The following ACTR3C variants were observed in gnomAD, a reference collection of about 807,000 sequenced individuals.
ACTR3C encodes the protein actin related protein 3C.
A neutral mutation model predicts 26.3 loss-of-function variants in ACTR3C; 18 were observed. The ratio of observed to expected loss-of-function variants is 0.68; its 90% CI spans 0.47 to 1.01. ACTR3C has a LOEUF of 1.01. Ranked by LOEUF, ACTR3C falls within the 50% of genes least tolerant of loss-of-function variation. The pLI is 0.00. For missense variants in ACTR3C, 184 were observed against 250.7 expected (o/e 0.73, Z 1.80); for synonymous variants, 55 against 94.5 (o/e 0.58, Z 2.42).
intron 6 of ACTR3C, among the ~76,000 whole-genome samples, chr7:150,262,776 A>G (rs1478703260): frequency 6.6e-6 from 1 of 152,262 alleles, no homozygotes. Flanking sequence ...GAGAGCAATG[A>G]TTATTTGATT....
the ACTR3C span, among the ~76,000 whole-genome samples, chr7:150,037,750 C>CT: frequency 2.2e-5 from 1 of 45,978 alleles, no homozygotes; most frequent in East Asian, 1.4e-3. Flanking sequence ...CTCTCAGTCC[C>CT]CACCCTCGCG....
At chr7:149,948,494 G>T in the ACTR3C span, among the ~76,000 whole-genome samples, 2 of 150,634 alleles carry the variant, frequency 1.3e-5, no homozygotes, top group South Asian at 4.2e-4. Context: ...ACACCTCCCG[G>T]TTCCCTCAGG....
the ACTR3C span, among the ~76,000 whole-genome samples, chr7:150,157,932 T>A: frequency 6.6e-6 from 1 of 152,120 alleles, no homozygotes; most frequent in Admixed American, 6.5e-5. Context: ...ACAGAAACTT[T>A]AAGGCACTAG....
chr7:150,197,266 C>T, the ACTR3C span, among the ~76,000 whole-genome samples: 6,822 of 152,234 alleles, frequency 0.045, 356 homozygotes, highest in East Asian at 0.16. Flanking sequence ...CTGCCTTCTC[C>T]GCATAGAAGC....
chr7:150,108,295 C>T, the ACTR3C span, among the ~76,000 whole-genome samples: 1 of 149,312 alleles, frequency 6.7e-6, no homozygotes, highest in Non-Finnish European at 1.5e-5. Flanking sequence ...TTATAAGTGT[C>T]AAAGATGGAT....
chr7:150,034,166 G>C, the ACTR3C span, among the ~76,000 whole-genome samples: 1 of 152,108 alleles, frequency 6.6e-6, no homozygotes, highest in African/African-American at 2.4e-5. Flanking sequence ...TTTATGTTCA[G>C]GTTTTGCCCA....
At chr7:149,907,928 C>T in the ACTR3C span, among the ~76,000 whole-genome samples, 1 of 152,050 alleles carries the variant, frequency 6.6e-6, no homozygotes, top group Admixed American at 6.6e-5. Flanking sequence ...TCCTACAGAA[C>T]ACCAATTGTC....
At chr7:150,204,291 G>C in the ACTR3C span, among the ~76,000 whole-genome samples, 38 of 144,438 alleles carry the variant, frequency 2.6e-4, no homozygotes, top group Non-Finnish European at 3.4e-4. Flanking sequence ...GAAGCAAGCT[G>C]TGTCGGTTCT....
the ACTR3C span, among the ~76,000 whole-genome samples, chr7:149,964,769 C>T: frequency 3.4e-4 from 52 of 152,078 alleles, no homozygotes; most frequent in Non-Finnish European, 4.6e-4. Context: ...GCTGTCCAGC[C>T]AAAGTTTTCT....
the ACTR3C span, among the ~76,000 whole-genome samples, chr7:149,945,756 C>T: frequency 0.092 from 14,069 of 152,162 alleles, 2,182 homozygotes; most frequent in African/African-American, 0.32. Flanking sequence ...CTGAAAACCA[C>T]ATCGGGTTCT....
At chr7:150,186,545 A>G in the ACTR3C span, among the ~76,000 whole-genome samples, 1 of 152,122 alleles carries the variant, frequency 6.6e-6, no homozygotes, top group African/African-American at 2.4e-5. Context: ...TTCCTTCTGG[A>G]CTAACTCCCA....
At chr7:150,033,775 G>GC in the ACTR3C span, among the ~76,000 whole-genome samples, 2,836 of 118,126 alleles carry the variant, frequency 0.024, no homozygotes, top group Admixed American at 0.061. Flanking sequence ...TCCACCTCCT[G>GC]CGATGGGGGT....
intron 6 of ACTR3C, among the ~76,000 whole-genome samples, chr7:150,277,659 C>A (rs535887961): frequency 2.6e-5 from 4 of 152,100 alleles, no homozygotes; most frequent in Non-Finnish European, 5.9e-5. Context: ...AATGACCCCC[C>A]ACCCTCCTAG....
the ACTR3C span, among the ~76,000 whole-genome samples, chr7:150,019,083 A>G: frequency 6.6e-6 from 1 of 150,484 alleles, no homozygotes; most frequent in African/African-American, 2.5e-5. Context: ...ATGACAACAC[A>G]ACTACTTTCA....
the ACTR3C span, among the ~76,000 whole-genome samples, chr7:150,039,843 G>T: frequency 7.6e-6 from 1 of 132,420 alleles, no homozygotes. Context: ...CCAGCGATGG[G>T]GGTCCTAAGA....
the ACTR3C span, among the ~76,000 whole-genome samples, chr7:150,063,599 T>C: frequency 1.3e-5 from 2 of 151,680 alleles, no homozygotes; most frequent in African/African-American, 2.4e-5. Context: ...GATTTTCAAA[T>C]GTCTGGATCA....
the ACTR3C span, among the ~76,000 whole-genome samples, chr7:149,922,590 C>A: frequency 6.6e-6 from 1 of 151,990 alleles, no homozygotes; most frequent in African/African-American, 2.4e-5. Flanking sequence ...CAGTATCCTC[C>A]TGCAAATGGA....
intron 1 of ACTR3C, among the ~76,000 whole-genome samples, chr7:150,317,939 T>C (rs997397881): frequency 2.0e-5 from 3 of 151,842 alleles, no homozygotes; most frequent in African/African-American, 7.3e-5. Flanking sequence ...AAAGGAACTA[T>C]GGGATGTCTC....
At chr7:150,178,642 G>A in the ACTR3C span, among the ~76,000 whole-genome samples, 3 of 150,654 alleles carry the variant, frequency 2.0e-5, no homozygotes, top group African/African-American at 7.5e-5. Flanking sequence ...ACAATCTACT[G>A]CACTTAAAGT....
Sources: gnomAD v4.1 joint callset for allele counts (sites outside exome capture counted in the v4.1 genomes callset) on GRCh38, gnomAD v4.1.1 for gene constraint, MANE v1.5 for transcripts, NCBI Gene and HGNC (gene_info 2026-07-23, HGNC 2026-07-21) for gene names.